The following C8A variants were observed in gnomAD, a reference collection of about 807,000 sequenced individuals.
C8A encodes the protein complement C8 alpha chain.
Under a neutral mutation model 65.3 loss-of-function variants are expected in C8A, and 67 were observed. The observed-to-expected ratio is 1.03, with a 90% CI of 0.84 to 1.26. The LOEUF is 1.26. C8A is among the 50% of genes most tolerant of loss of function. The pLI is 0.00. For missense variants in C8A, 781 were observed against 723.9 expected (o/e 1.08, Z -0.90); for synonymous variants, 290 against 259.4 (o/e 1.12, Z -1.13).
intron 2 of C8A, among the ~76,000 whole-genome samples, chr1:56,871,149 A>G (rs1644143681): frequency 6.6e-6 from 1 of 152,240 alleles, no homozygotes; most frequent in South Asian, 2.1e-4. Context: ...TTTATTAAAT[A>G]ATTTCTAGGT....
At chr1:56,864,903 GT>G (rs961722864) in intron 1 of C8A, among the ~76,000 whole-genome samples, 19 of 152,128 alleles carry the variant, frequency 1.2e-4, no homozygotes, top group African/African-American at 3.9e-4. Flanking sequence ...CTTTTACTGT[GT>G]TTACAGTCGC....
At chr1:56,872,700 G>A (rs541931012) in intron 2 of C8A, among the ~76,000 whole-genome samples, 152 of 152,238 alleles carry the variant, frequency 1.0e-3, no homozygotes, top group African/African-American at 3.6e-3. Flanking sequence ...AATAAACATA[G>A]TATGTTTAGG....
intron 2 of C8A, among the ~76,000 whole-genome samples, chr1:56,872,946 C>T (rs1244700817): frequency 6.6e-6 from 1 of 151,932 alleles, no homozygotes; most frequent in Non-Finnish European, 1.5e-5. Flanking sequence ...CTATGCTGAT[C>T]ACTCCTTTAT....
intron 10 of C8A, 149 bp from the exon 11 acceptor site, chr1:56,917,416 G>A (rs185618536): frequency 3.6e-5 from 27 of 759,942 alleles, no homozygotes; most frequent in Middle Eastern, 3.6e-4. Context: ...TTATCTGTAC[G>A]TACCTCCAAC....
chr1:56,917,372 C>T (rs921916536), intron 10 of C8A, among the ~76,000 whole-genome samples, 193 bp from the exon 11 acceptor site: 2 of 152,228 alleles, frequency 1.3e-5, no homozygotes, highest in Non-Finnish European at 2.9e-5. Flanking sequence ...CTTGCTACAT[C>T]TGGACTAACA....
intron 7 of C8A, among the ~76,000 whole-genome samples, chr1:56,888,543 A>G (rs658461): frequency 0.3 from 45,812 of 152,144 alleles, 8,017 homozygotes; most frequent in South Asian, 0.5. Flanking sequence ...AGAATAGAAA[A>G]TATCATAGTG....
intron 7 of C8A, among the ~76,000 whole-genome samples, chr1:56,891,252 C>T (rs1395432562): frequency 6.6e-6 from 1 of 151,930 alleles, no homozygotes; most frequent in African/African-American, 2.4e-5. Context: ...TGTACAAAGG[C>T]CCTGTCTGAG....
At chr1:56,906,638 T>A (rs373188069) in intron 7 of C8A, 29 bp from the exon 8 acceptor site, 31 of 1,613,638 alleles carry the variant, frequency 1.9e-5, no homozygotes, top group Non-Finnish European at 2.5e-5. Context: ...TAACTCAGCA[T>A]TTTGTGTTTC....
chr1:56,862,503 A>G (rs1644044256), intron 1 of C8A, among the ~76,000 whole-genome samples: 1 of 152,170 alleles, frequency 6.6e-6, no homozygotes, highest in Admixed American at 6.5e-5. Flanking sequence ...TATGCAGTTC[A>G]TCCAAATGTA....
At chr1:56,862,218 A>G (rs1266559688) in intron 1 of C8A, among the ~76,000 whole-genome samples, 2 of 152,226 alleles carry the variant, frequency 1.3e-5, no homozygotes, top group African/African-American at 4.8e-5. Flanking sequence ...AGTCTTGCAA[A>G]CGATTTTCCC....
intron 9 of C8A, among the ~76,000 whole-genome samples, chr1:56,911,823 C>G (rs1375775048): frequency 6.6e-6 from 1 of 151,920 alleles, no homozygotes; most frequent in African/African-American, 2.4e-5. Context: ...AACAACACTA[C>G]CTGTCAAGGA....
In C8A at chr1:56,883,674, A is replaced by G. The variant is rs776043110; in HGVS notation, c.848A>G (p.Asn283Ser). 8.7e-6 allele frequency: 14 copies of G among 1,612,542 alleles called. No homozygotes were observed. The highest frequency in any genetic ancestry group is 1.7e-4 in the Middle Eastern group (1 of 6,050). The stretch of plus-strand genomic sequence containing the variant: ...TTCTTGAACGAATTAAACAAGTATA[A>G]TGAGAAGGTATTCAAACATAATGTC... ...TSFLNELNKY[N>S]EKKFIFTRIF... Residue 283 changes from asparagine to serine, a missense_variant, in exon 6 of 11, where the codon AAT becomes AGT. Coordinates refer to ENST00000361249, the MANE Select transcript of C8A (RefSeq NM_000562.3).
intron 3 of C8A, 143 bp downstream of exon 3, chr1:56,875,236 A>G (rs1644187352): frequency 2.2e-6 from 2 of 907,390 alleles, no homozygotes; most frequent in Non-Finnish European, 3.5e-6. Flanking sequence ...GGGTCCTAGG[A>G]ATCTGCATTT....
chr1:56,916,060 G>T (rs75977753), intron 10 of C8A, among the ~76,000 whole-genome samples: 5,004 of 152,322 alleles, frequency 0.033, 131 homozygotes, highest in Middle Eastern at 0.082. Flanking sequence ...AGAAGGGGGA[G>T]TGTGGGCTAC....
rs1557705479 is a variant in C8A, at chr1:56,885,326, T to TTAAA, written c.856-598_856-595dup. On this transcript the variant is annotated intron_variant, in intron 6 of 10. Coordinates refer to ENST00000361249, the MANE Select transcript of C8A (RefSeq NM_000562.3). ...TATATATTTACATAAATATATTTAT[T>TTAAA]TAAATATATATTTACATAAATATAT... Among the ~76,000 whole-genome samples the TTAAA allele has an allele frequency of 6.9e-4, 92 of 132,726 alleles. 2 individuals carry two copies. The highest frequency in any genetic ancestry group is 2.5e-3 in the African/African-American group (87 of 34,442). 87.1% of individuals were successfully genotyped at this position (132,726 alleles called of 152,430 possible).
At position 56,913,460 on chromosome 1, in the gene C8A, C is replaced by A. The variant is rs149828209; in HGVS notation, c.1603+835C>A. The stretch of plus-strand genomic sequence containing the variant: ...GGTACCAGGGAAGAAAGTTATCAAA[C>A]AAGCATTAAAAGTCCATTGCTTAAA... On this transcript the variant is annotated intron_variant, in intron 10 of 10. Transcript: ENST00000361249. Among the ~76,000 whole-genome samples the A allele has an allele frequency of 2.1e-3, 319 of 152,342 alleles. 1 individual carries two copies. Among genetic ancestry groups the A allele is most frequent in the African/African-American group, 7.2e-3 (298 of 41,578 alleles).
chr1:56,858,734 G>A lies in C8A; in HGVS notation c.77+3756G>A, dbSNP rs1644001040. 2.0e-5 allele frequency among the ~76,000 whole-genome samples: 3 copies of A among 152,114 alleles called. No homozygotes were observed. The South Asian group carries it at 6.2e-4, about 32-fold the overall frequency. The stretch of plus-strand genomic sequence containing the variant: ...ATTAATGAAAACAATTGGAGTAGTG[G>A]GTGTGACTCAAAAGCGAATCATGTA... On this transcript the variant is annotated intron_variant, in intron 1 of 10. Coordinates refer to ENST00000361249, the MANE Select transcript of C8A (RefSeq NM_000562.3).
rs572091266 is a variant in C8A at position 56,883,580 on chromosome 1, A to G, written c.754A>G (p.Ile252Val). The G allele has an allele frequency of 8.1e-6, 13 of 1,613,872 alleles. No individual in the cohort carries two copies. Among genetic ancestry groups the G allele is most frequent in the African/African-American group, 1.3e-5 (1 of 74,922 alleles). ...KDKSDSFGVT[I>V]GIGPAGSPLL... Reference sequence around the variant, plus strand: ...CAAGTCTGACTCATTTGGAGTGACCATCGGCATAGGCCCAGCCGGCAGCCC... The same window carrying G: ...CAAGTCTGACTCATTTGGAGTGACCGTCGGCATAGGCCCAGCCGGCAGCCC... Residue 252 changes from isoleucine to valine, a missense_variant, in exon 6 of 11, where the codon ATC becomes GTC. Transcript: ENST00000361249.
At chr1:56,879,705 G>A (rs571256899) in intron 4 of C8A, among the ~76,000 whole-genome samples, 5 of 152,116 alleles carry the variant, frequency 3.3e-5, no homozygotes, top group East Asian at 3.9e-4. Flanking sequence ...AAAGCTAAAC[G>A]TCTAGTAGAG....
Sources: allele counts gnomAD v4.1 joint callset (sites outside exome capture counted in the v4.1 genomes callset), GRCh38; gene constraint gnomAD v4.1.1; transcripts MANE v1.5; gene names NCBI Gene and HGNC (gene_info 2026-07-23, HGNC 2026-07-21).